TCERG1: variants seen among roughly 807,000 people sequenced by gnomAD.
TCERG1 encodes TATA box binding protein (TBP)-associated factor, RNA polymerase II, S, 150kD.
A neutral mutation model predicts 144.7 loss-of-function variants in TCERG1; 37 were observed. The observed-to-expected ratio is 0.26, with a 90% CI of 0.20 to 0.34. TCERG1 has a LOEUF of 0.34. Among genes scored for constraint, TCERG1 ranks in the 10% least tolerant of loss-of-function variants. TCERG1 has a pLI of 1.00. For synonymous variants in TCERG1, 492 were observed against 458.2 expected, an observed-to-expected ratio of 1.07 and a Z score of -0.94; for missense variants, 1,027 against 1,380.7, an observed-to-expected ratio of 0.74 and a Z score of 4.06.
intron 15 of TCERG1, among the ~76,000 whole-genome samples, chr5:146,489,994 T>C (rs1294470194): frequency 6.6e-6 from 1 of 152,198 alleles, no homozygotes; most frequent in Non-Finnish European, 1.5e-5. Flanking sequence ...ACGAAGTTCT[T>C]TCTAGATTCT....
intron 15 of TCERG1, among the ~76,000 whole-genome samples, chr5:146,484,605 G>A (rs1765657811): frequency 6.6e-6 from 1 of 152,168 alleles, no homozygotes; most frequent in African/African-American, 2.4e-5. Context: ...GGAATAGAAA[G>A]ACATAACTTC....
At chr5:146,449,851 A>G (rs1359446317) in intron 1 of TCERG1, among the ~76,000 whole-genome samples, 1 of 152,212 alleles carries the variant, frequency 6.6e-6, no homozygotes, top group Non-Finnish European at 1.5e-5. Context: ...TTGTTTACCT[A>G]TCAATACTTA....
At chr5:146,466,970 ATTAAAC>A (rs1468678220) in intron 5 of TCERG1, among the ~76,000 whole-genome samples, 1 of 152,202 alleles carries the variant, frequency 6.6e-6, no homozygotes, top group Non-Finnish European at 1.5e-5. Context: ...ATTTATACTG[ATTAAAC>A]TTAATCCATG....
intron 6 of TCERG1, among the ~76,000 whole-genome samples, chr5:146,469,093 T>A (rs979777376): frequency 5.9e-5 from 9 of 152,168 alleles, no homozygotes; most frequent in African/African-American, 1.9e-4. Context: ...AGTCATTTGC[T>A]ATAAAACTGA....
chr5:146,500,271 TTAAAG>T (rs1435227014), intron 17 of TCERG1, among the ~76,000 whole-genome samples: 10 of 152,132 alleles, frequency 6.6e-5, no homozygotes, highest in Admixed American at 2.0e-4. Context: ...GCAGAAATCT[TTAAAG>T]TAAGGGTTTA....
chr5:146,480,102 A>C lies in TCERG1; in HGVS notation c.1886+8A>C, dbSNP rs932044543. The C allele has an allele frequency of 6.4e-7, 1 of 1,574,782 alleles. No homozygotes were observed. The highest frequency in any genetic ancestry group is 1.9e-5 in the Admixed American group (1 of 53,000). ...TAAAGCAAAAAAACGGAAGTAAGTA[A>C]TACATACGATTTGATTGAGGTAGAT... On this transcript the variant is annotated splice_region_variant and intron_variant, in intron 12 of 22. Coordinates refer to ENST00000679501, the MANE Select transcript of TCERG1 (RefSeq NM_001382548.1).
chr5:146,505,041 T>C (rs1313235057), intron 19 of TCERG1, among the ~76,000 whole-genome samples: 1 of 147,466 alleles, frequency 6.8e-6, no homozygotes, highest in African/African-American at 2.5e-5. Flanking sequence ...TGAGACTCTG[T>C]CTCAAAAAGA....
At chr5:146,486,083 T>A (rs991680092) in intron 15 of TCERG1, among the ~76,000 whole-genome samples, 7 of 151,716 alleles carry the variant, frequency 4.6e-5, no homozygotes, top group African/African-American at 1.7e-4. Flanking sequence ...CATTTAAAAA[T>A]AAACACGTTT....
chr5:146,458,512 A>T (rs9763427), intron 3 of TCERG1, among the ~76,000 whole-genome samples: 1 of 151,278 alleles, frequency 6.6e-6, no homozygotes, highest in Non-Finnish European at 1.5e-5. Flanking sequence ...TCCCTCTGTC[A>T]CCCAGGCTGG....
At chr5:146,483,681 T>A in intron 15 of TCERG1, 52 bp downstream of exon 15, 1 of 1,298,768 alleles carries the variant, frequency 7.7e-7, no homozygotes, top group East Asian at 2.3e-5. Flanking sequence ...CCAACATAGT[T>A]TTTAAATTAT....
rs1306737988 is a variant in TCERG1 at position 146,482,574 on chromosome 5, A to G, written c.1938-18A>G. 2 of 1,586,046 alleles carry G rather than the reference A, an allele frequency of 1.3e-6. No individual in the cohort carries two copies. The highest frequency in any genetic ancestry group is 8.6e-7 in the Non-Finnish European group (1 of 1,166,686). ...TTAATATTTTGTCAGTTGATGTCTTATATTTTATTTTTTATAGGAGAGACG... is the reference window on the plus strand; with the variant it reads ...TTAATATTTTGTCAGTTGATGTCTTGTATTTTATTTTTTATAGGAGAGACG... On this transcript the variant is annotated intron_variant, in intron 13 of 22. Coordinates refer to ENST00000679501, the MANE Select transcript of TCERG1 (RefSeq NM_001382548.1).
chr5:146,466,654 ATGTAATCAC>A (rs1332863044), intron 5 of TCERG1, among the ~76,000 whole-genome samples: 2 of 152,202 alleles, frequency 1.3e-5, no homozygotes, highest in African/African-American at 2.4e-5. Context: ...CACAATCTGC[ATGTAATCAC>A]TTTGAGAGAA....
At chr5:146,449,548 G>A (rs1356153309) in intron 1 of TCERG1, among the ~76,000 whole-genome samples, 1 of 152,102 alleles carries the variant, frequency 6.6e-6, no homozygotes, top group East Asian at 1.9e-4. Flanking sequence ...CCCATATATC[G>A]GTAGCATCTT....
intron 16 of TCERG1, among the ~76,000 whole-genome samples, chr5:146,498,144 C>G (rs2150800935): frequency 6.6e-6 from 1 of 152,146 alleles, no homozygotes; most frequent in South Asian, 2.1e-4. Flanking sequence ...ATACTTTTGT[C>G]CAGTTTTATA....
intron 15 of TCERG1, among the ~76,000 whole-genome samples, chr5:146,489,067 A>G (rs1160853017): frequency 6.6e-6 from 1 of 152,168 alleles, no homozygotes; most frequent in African/African-American, 2.4e-5. Context: ...ACTTGGGAGG[A>G]TAGGAAGAGA....
At chr5:146,467,860 T>G (rs1196459207) in intron 5 of TCERG1, among the ~76,000 whole-genome samples, 1 of 152,204 alleles carries the variant, frequency 6.6e-6, no homozygotes, top group African/African-American at 2.4e-5. Context: ...ACCCCTAGCT[T>G]ATTCCTTTTT....
At chr5:146,476,111 G>A (rs1459319341) in intron 9 of TCERG1, among the ~76,000 whole-genome samples, 1 of 152,078 alleles carries the variant, frequency 6.6e-6, no homozygotes, top group East Asian at 1.9e-4. Context: ...CCTAGACTGA[G>A]CCATTTCTGC....
chr5:146,501,211 C>A (rs961167379), intron 17 of TCERG1, among the ~76,000 whole-genome samples: 1 of 152,060 alleles, frequency 6.6e-6, no homozygotes, highest in Admixed American at 6.6e-5. Context: ...TCTTCCCTCT[C>A]TTTTAAATTT....
At chr5:146,480,122 G>T (rs1765214553) in intron 12 of TCERG1, 28 bp downstream of exon 12, 2 of 1,523,440 alleles carry the variant, frequency 1.3e-6, no homozygotes, top group East Asian at 2.3e-5. Context: ...TTTGATTGAG[G>T]TAGATTATAT....
Sources: gnomAD v4.1 joint callset for allele counts (sites outside exome capture counted in the v4.1 genomes callset) on GRCh38, gnomAD v4.1.1 for gene constraint, MANE v1.5 for transcripts, NCBI Gene and HGNC (gene_info 2026-07-23, HGNC 2026-07-21) for gene names.